The following NOXA1 variants were observed in gnomAD, a reference collection of about 807,000 sequenced individuals.
The protein encoded by NOXA1 is NCF2-like protein.
NOXA1 carries 56 observed loss-of-function variants against 64.8 expected under a neutral mutation model. The ratio of observed to expected loss-of-function variants is 0.86; its 90% CI spans 0.70 to 1.08. The LOEUF is 1.08. Among genes scored for constraint, NOXA1 ranks in the 50% least tolerant of loss-of-function variants. The pLI is 0.00. For missense variants in NOXA1, 668 were observed against 658.5 expected, an observed-to-expected ratio of 1.01 and a Z score of -0.16; for synonymous variants, 295 against 294.8, an observed-to-expected ratio of 1.00 and a Z score of -0.01.
rs756331723 is a variant in NOXA1, at chr9:137,426,285, C to G, written c.215C>G (p.Ala72Gly). 9 of 1,613,668 alleles carry G rather than the reference C, an allele frequency of 5.6e-6. No individual in the cohort carries two copies. Residue 72 changes from alanine to glycine, a missense_variant, in exon 2 of 14, where the codon GCG becomes GGG. Coordinates refer to ENST00000683555, the MANE Select transcript of NOXA1 (RefSeq NM_001256067.2). ...GCCGTGACCAAGGACACCTGCATGG[C>G]GGTTGGCTTCTTCCAGCGAGGAGTG... ...DQAVTKDTCMAVGFFQRGVAN... is the reference protein window; with the variant it reads ...DQAVTKDTCMGVGFFQRGVAN...
At chr9:137,433,300 G>T in intron 10 of NOXA1, 37 bp downstream of exon 10, 1 of 1,520,122 alleles carries the variant, frequency 6.6e-7, no homozygotes, top group Non-Finnish European at 8.8e-7. Context: ...TCAGTCACCT[G>T]AGGGAGGCTG....
chr9:137,434,161 A>G, intron 13 of NOXA1, 63 bp from the exon 14 acceptor site: 10 of 1,581,672 alleles, frequency 6.3e-6, no homozygotes, highest in Non-Finnish European at 8.6e-6. Flanking sequence ...TGCTGTGAGC[A>G]GACGTGGCAC....
intron 1 of NOXA1, 62 bp downstream of exon 1, chr9:137,423,768 C>G: frequency 1.7e-6 from 2 of 1,162,850 alleles, no homozygotes; most frequent in Non-Finnish European, 2.1e-6. Context: ...CTGGGGAGGG[C>G]CCAGCGCCCC....
At chr9:137,433,638 G>A in intron 11 of NOXA1, 31 bp downstream of exon 11, 1 of 1,531,506 alleles carries the variant, frequency 6.5e-7, no homozygotes, top group Non-Finnish European at 8.8e-7. Flanking sequence ...TGGCTGCGGT[G>A]GAGCTGGGCA....
chr9:137,432,445 C>T (rs1292016301), intron 8 of NOXA1, among the ~76,000 whole-genome samples: 8 of 152,036 alleles, frequency 5.3e-5, no homozygotes, highest in South Asian at 2.1e-4. Context: ...CTGGGCATGG[C>T]GGCGGGCACC....
chr9:137,424,570 G>T (rs927164037), intron 1 of NOXA1, among the ~76,000 whole-genome samples: 1 of 152,142 alleles, frequency 6.6e-6, no homozygotes, highest in Non-Finnish European at 1.5e-5. Flanking sequence ...CTCCCTAGTT[G>T]CTGGGAGTAC....
At chr9:137,425,087 A>G (rs1838795723) in intron 1 of NOXA1, among the ~76,000 whole-genome samples, 1 of 152,038 alleles carries the variant, frequency 6.6e-6, no homozygotes. Flanking sequence ...CTGAGCCGCC[A>G]CCCCACATCA....
In NOXA1 at chr9:137,431,423, C is replaced by A; in HGVS notation, c.804+82C>A. On this transcript the variant is annotated intron_variant, in intron 8 of 13. Coordinates refer to ENST00000683555, the MANE Select transcript of NOXA1 (RefSeq NM_001256067.2). This position sits in a 1 kb window ranked among gnomAD's most constrained non-coding sequence, Gnocchi z 5.6. ...AGACTGGGGACCACAATGGGACCAA[C>A]ATGAGGGTGGAGGGAGCAGCTCGCT... is the stretch of plus-strand genomic sequence containing the variant. 8.5e-7 allele frequency: 1 copy of A among 1,175,760 alleles called. No individual in the cohort carries two copies. The highest frequency in any genetic ancestry group is 1.2e-6 in the Non-Finnish European group (1 of 807,402). 72.8% of individuals were successfully genotyped at this position (1,175,760 alleles called of 1,614,324 possible).
Position 137,428,202 on chromosome 9 carries a change from G to C in NOXA1, c.369+61G>C, listed in dbSNP as rs1838923244. On this transcript the variant is annotated intron_variant, in intron 3 of 13. Coordinates refer to ENST00000683555, the MANE Select transcript of NOXA1 (RefSeq NM_001256067.2). ...TGGGGTGTCCACGGGCGGTGGCACT[G>C]TCACAGGAGGGCCCTGTGGACTGGG... 2.5e-6 allele frequency: 3 copies of C among 1,213,438 alleles called. No homozygotes were observed. The East Asian group carries it at 7.7e-5, about 31-fold the overall frequency. The allele number at this position is 1,213,438 out of a possible 1,614,324, so 75.2% of individuals were successfully genotyped here. A position where few individuals can be genotyped will look rare whatever the true frequency, so the allele number is the denominator to read the frequency against.
chr9:137,426,117 A>G, intron 1 of NOXA1, 131 bp from the exon 2 acceptor site: 1 of 784,796 alleles, frequency 1.3e-6, no homozygotes, highest in Non-Finnish European at 2.2e-6. Flanking sequence ...CCTGGACAGG[A>G]GCAGGAGGGG....
intron 10 of NOXA1, 80 bp from the exon 11 acceptor site, chr9:137,433,373 C>T (rs1055188584): frequency 6.6e-7 from 1 of 1,510,222 alleles, no homozygotes; most frequent in Non-Finnish European, 8.9e-7. Flanking sequence ...CAGTCTCTGT[C>T]CACACCCCTC....
intron 5 of NOXA1, among the ~76,000 whole-genome samples, chr9:137,430,442 G>T (rs894379073): frequency 6.6e-6 from 1 of 152,234 alleles, no homozygotes; most frequent in Non-Finnish European, 1.5e-5. Context: ...CGACTCCTGG[G>T]CCCAGTGCAG....
rs141159188 is a variant in NOXA1, at chr9:137,434,260, G to A, written c.1331G>A (p.Arg444His). ...TGGCTGGAGGGCCACTGTGACGGCC[G>A]CATCGGCATCTTCCCCAAGTGCTTC... The part of the protein sequence containing the change: ...QAWLEGHCDG[R>H]IGIFPKCFVV... The change falls in exon 14 of 14, where the codon CGC becomes CAC. Residue 444 changes from arginine to histidine, a missense_variant. By Grantham distance (29) the Arg-to-His change is conservative (BLOSUM62 0). Coordinates refer to ENST00000683555, the MANE Select transcript of NOXA1 (RefSeq NM_001256067.2). 6.2e-6 allele frequency: 10 copies of A among 1,610,618 alleles called. No individual in the cohort carries two copies. Among genetic ancestry groups the A allele is most frequent in the Middle Eastern group, 1.6e-4 (1 of 6,080 alleles).
In NOXA1 at chr9:137,428,884, G is replaced by T. The variant is rs765414628; in HGVS notation, c.372G>T (p.Val124=). Residue 124 remains valine, a splice_region_variant and synonymous_variant, in exon 4 of 14, where the codon GTG becomes GTT. Transcript: ENST00000683555. The stretch of plus-strand genomic sequence containing the variant: ...CATCACCTTGGCCCCACTCCCAGGT[G>T]CTACACAATGTGGCGTCGGCACAGT... The part of the protein sequence containing the change: ...GLRFKLQAWE[V]LHNVASAQCQ... 6.3e-7 allele frequency: 1 copy of T among 1,579,070 alleles called. No homozygotes were observed. The highest frequency in any genetic ancestry group is 8.6e-7 in the Non-Finnish European group (1 of 1,164,526).
At chr9:137,433,175 T>C in intron 9 of NOXA1, 30 bp from the exon 10 acceptor site, 1 of 1,609,712 alleles carries the variant, frequency 6.2e-7, no homozygotes, top group East Asian at 2.2e-5. Flanking sequence ...TTGGTGGTAG[T>C]GGCTGTGTCA....
Position 137,431,087 on chromosome 9 carries a change from A to G in NOXA1, c.685A>G (p.Asn229Asp), listed in dbSNP as rs200123092. ...RPQQPQGPGA[N>D]HDARSLIMDS... ...TTTGTGTCCACAGGGACCAGGAGCG[A>G]ACCATGATGCCAGGTAGGAGGGGCT... Residue 229 changes from asparagine to aspartate, a missense_variant, in exon 7 of 14, where the codon AAC (asparagine) becomes GAC (aspartate). Physicochemically the swap from Asn to Asp is conservative, Grantham distance 23 (BLOSUM62 1). Transcript: ENST00000683555. The surrounding 1 kb of genome is among the most constrained non-coding windows in gnomAD (Gnocchi z 5.6). 8.1e-6 allele frequency: 13 copies of G among 1,613,244 alleles called. No homozygotes were observed. In the Admixed American group the frequency reaches 1.0e-4, roughly 12 times the overall value.
At position 137,423,690 on chromosome 9, in the gene NOXA1, C is replaced by T; in HGVS notation, c.161C>T (p.Pro54Leu). The T allele has an allele frequency of 7.5e-7, 1 of 1,333,640 alleles. No homozygotes were observed. Among genetic ancestry groups the T allele is most frequent in the Admixed American group, 3.5e-5 (1 of 28,534 alleles). 82.6% of individuals were successfully genotyped at this position (1,333,640 alleles called of 1,614,324 possible). ...TGCGTGCACCTGCTGGCCGGGGACC[C>T]CGAGGCCGCGCTGCGGGTGAGCGGG... ...AGCVHLLAGD[P>L]EAALRAFDQA... The change falls in exon 1 of 14, where the codon CCC becomes CTC. Residue 54 changes from proline (P) to leucine (L), a missense_variant. By Grantham distance (98) the Pro-to-Leu change is moderately conservative. Transcript: ENST00000683555.
rs1184802285 is a variant in NOXA1 at position 137,428,037 on chromosome 9, C to T, written c.265C>T (p.Gln89Ter). The T allele has an allele frequency of 1.3e-6, 2 of 1,572,250 alleles. No homozygotes were observed. Among genetic ancestry groups the T allele is most frequent in the Non-Finnish European group, 1.7e-6 (2 of 1,159,552 alleles). ...GGGGACCCCGGCTGCCCACAGGTTC[C>T]AGGAGGCTCTGTCTGACTTCTGGCT... ...GVANFQLARF[Q>*]EALSDFWLAL... The change falls in exon 3 of 14, where the codon CAG (glutamine) becomes TAG (stop). Residue 89 changes from glutamine to a stop codon, truncating the protein, a stop_gained. Coordinates refer to ENST00000683555, the MANE Select transcript of NOXA1 (RefSeq NM_001256067.2). LOFTEE classifies it high-confidence loss of function.
rs1410283327 is a variant in NOXA1 at position 137,432,278 on chromosome 9, T to TAA, written c.805-751_805-750insAA. 3.3e-4 allele frequency among the ~76,000 whole-genome samples: 36 copies of TAA among 110,296 alleles called. 5 individuals are homozygous for TAA. Among genetic ancestry groups the TAA allele is most frequent in the Admixed American group, 5.9e-4 (6 of 10,252 alleles). 72.4% of individuals were successfully genotyped at this position (110,296 alleles called of 152,430 possible). On this transcript the variant is annotated intron_variant, in intron 8 of 13. Coordinates refer to ENST00000683555, the MANE Select transcript of NOXA1 (RefSeq NM_001256067.2). ...CTGGGCAAGACAGCAAGACCCTGTC[T>TAA]CAAAAAAAAAAAAAAAAAAAGCCAG...
Sources: allele counts gnomAD v4.1 joint callset (sites outside exome capture counted in the v4.1 genomes callset), GRCh38; gene constraint gnomAD v4.1.1; non-coding constraint Gnocchi (gnomAD v3.1); transcripts MANE v1.5; gene names NCBI Gene and HGNC (gene_info 2026-07-23, HGNC 2026-07-21).